Variants in ATP6AP2 observed in about 807,000 individuals in gnomAD.
ATP6AP2 encodes the protein renin receptor.
A neutral mutation model predicts 23.4 loss-of-function variants in ATP6AP2; 1 was observed. That is an observed-to-expected ratio of 0.04 (90% CI 0.02 to 0.20). The LOEUF is 0.20. Among genes scored for constraint, ATP6AP2 ranks in the 10% least tolerant of loss-of-function variants. ATP6AP2 has a pLI of 1.00. For synonymous variants in ATP6AP2, 90 were observed against 97.1 expected, an observed-to-expected ratio of 0.93 and a Z score of 0.43; for missense variants, 174 against 271.3, an observed-to-expected ratio of 0.64 and a Z score of 2.52.
At position 40,605,803 on chromosome X, in the gene ATP6AP2, T is replaced by G; in HGVS notation, c.*48T>G. On this transcript the variant is annotated 3_prime_UTR_variant, in exon 9 of 9. Transcript: ENST00000636580. ...AAAAGGGGGTTGGAAATTGGCTGTT[T>G]TGTTAAAATATATCTTTTAGTGTGC... 1 of 1,055,988 alleles carries G rather than the reference T, an allele frequency of 9.5e-7. No homozygotes were observed. Among genetic ancestry groups the G allele is most frequent in the Non-Finnish European group, 1.3e-6 (1 of 756,283 alleles). The allele number at this position is 1,055,988 out of a possible 1,213,427, so 87.0% of individuals were successfully genotyped here. A position where few individuals can be genotyped will look rare whatever the true frequency, so the allele number is the denominator to read the frequency against.
chrX:40,597,095 C>T (rs1300663222), intron 3 of ATP6AP2, 154 bp from the exon 4 acceptor site: 1 of 481,006 alleles, frequency 2.1e-6, no homozygotes, highest in Non-Finnish European at 3.6e-6. Flanking sequence ...CTTCTGTGCC[C>T]TCAAAAGGGC....
At chrX:40,587,702 C>T (rs995966710) in intron 1 of ATP6AP2, among the ~76,000 whole-genome samples, 1 of 111,675 alleles carries the variant, frequency 9.0e-6, no homozygotes, top group Non-Finnish European at 1.9e-5. Flanking sequence ...TTAATAGGAA[C>T]CCCAAATTAA....
In ATP6AP2 at chrX:40,591,234, G is replaced by A. The variant is rs1197920470; in HGVS notation, c.169G>A (p.Asp57Asn). ...CCGCTTTGTGCTTTTCAATGTTTAG[G>A]ACCTTTCTTGGCCAGGACTCGCAGT... ...ALSMGFSVKE[D>N]LSWPGLAVGN... The change falls in exon 3 of 9, where the codon GAC becomes AAC. Residue 57 changes from aspartate to asparagine, a missense_variant and splice_region_variant. Asp to Asn is a conservative substitution (Grantham distance 23). Transcript: ENST00000636580. 1 of 1,208,508 alleles carries A rather than the reference G, an allele frequency of 8.3e-7. No homozygotes were observed. The highest frequency in any genetic ancestry group is 1.8e-5 in the African/African-American group (1 of 57,118).
At chrX:40,591,651 G>T in intron 3 of ATP6AP2, 1 of 282,200 alleles carries the variant, frequency 3.5e-6, no homozygotes, top group Non-Finnish European at 6.4e-6. Flanking sequence ...CACTAAAGGA[G>T]AAACCAGTTG....
chrX:40,593,157 G>A (rs757768179), intron 3 of ATP6AP2, among the ~76,000 whole-genome samples: 1 of 110,852 alleles, frequency 9.0e-6, no homozygotes, highest in East Asian at 2.8e-4. Context: ...TGAGGCACGA[G>A]AATTACTTGA....
intron 1 of ATP6AP2, among the ~76,000 whole-genome samples, chrX:40,588,231 A>G (rs1926525668): frequency 9.0e-6 from 1 of 110,971 alleles, no homozygotes; most frequent in Admixed American, 9.6e-5. Context: ...ATCATTACAG[A>G]ATACCTTTTC....
intron 1 of ATP6AP2, among the ~76,000 whole-genome samples, chrX:40,586,747 T>C (rs145544309): frequency 0.022 from 2,452 of 111,882 alleles, 72 homozygotes; most frequent in African/African-American, 0.076. Flanking sequence ...GACATGCTTA[T>C]ACTTATAATA....
chrX:40,601,254 A>C (rs774398231), intron 8 of ATP6AP2, among the ~76,000 whole-genome samples: 2 of 111,145 alleles, frequency 1.8e-5, no homozygotes, highest in African/African-American at 6.6e-5. Context: ...GCTTTAGCTC[A>C]GGAGGAGTTT....
chrX:40,585,572 G>A (rs1285577828), intron 1 of ATP6AP2, among the ~76,000 whole-genome samples: 2 of 111,833 alleles, frequency 1.8e-5, no homozygotes, highest in Non-Finnish European at 3.8e-5. Context: ...AGGTGTGGGC[G>A]GCCAGGTGGG....
At chrX:40,600,629 A>G in intron 7 of ATP6AP2, 133 bp from the exon 8 acceptor site, 1 of 689,747 alleles carries the variant, frequency 1.4e-6, no homozygotes, top group Non-Finnish European at 2.1e-6. Flanking sequence ...TGTGGACTTA[A>G]GCCATTCCAC....
intron 1 of ATP6AP2, among the ~76,000 whole-genome samples, chrX:40,584,573 C>T (rs745550526): frequency 9.0e-6 from 1 of 110,626 alleles, no homozygotes; most frequent in Non-Finnish European, 1.9e-5. Flanking sequence ...CTCCACCTTC[C>T]GGGTTCAAGT....
At chrX:40,591,448 T>C (rs914434275) in intron 3 of ATP6AP2, 83 bp downstream of exon 3, 2 of 1,026,974 alleles carry the variant, frequency 1.9e-6, no homozygotes, top group East Asian at 3.3e-5. Flanking sequence ...ATTCTAAACA[T>C]ACTTCTCTTA....
intron 8 of ATP6AP2, among the ~76,000 whole-genome samples, chrX:40,602,055 G>A (rs1428952588): frequency 3.4e-5 from 3 of 88,806 alleles, no homozygotes; most frequent in African/African-American, 1.5e-4. Flanking sequence ...GTTGAGGCGG[G>A]CGGAACACCT....
At chrX:40,589,193 G>A (rs1171979438) in intron 2 of ATP6AP2, 77 bp downstream of exon 2, 2 of 1,101,952 alleles carry the variant, frequency 1.8e-6, no homozygotes, top group Non-Finnish European at 2.5e-6. Flanking sequence ...GCCCAAAAAA[G>A]CATCAAACGA....
chrX:40,606,062 T>A lies in ATP6AP2; in HGVS notation c.*307T>A, dbSNP rs1224510380. 4.1e-6 allele frequency: 1 copy of A among 243,397 alleles called. No individual in the cohort carries two copies. Among genetic ancestry groups the A allele is most frequent in the Non-Finnish European group, 7.3e-6 (1 of 137,426 alleles). 20.1% of individuals were successfully genotyped at this position (243,397 alleles called of 1,213,427 possible). On this transcript the variant is annotated 3_prime_UTR_variant, in exon 9 of 9. Transcript: ENST00000636580. ...TGAAAGAAATGTAAAACATTTAGAA[T>A]AGCTCGTGTTATGGAAAAAAGTGCA...
At chrX:40,585,982 TA>T (rs1464992008) in intron 1 of ATP6AP2, among the ~76,000 whole-genome samples, 1 of 112,118 alleles carries the variant, frequency 8.9e-6, no homozygotes, top group African/African-American at 3.2e-5. Context: ...GCAAGGCTGG[TA>T]GCTGGTGGAG....
rs1414283311 is a variant in ATP6AP2, at chrX:40,601,031, C to G, written c.858+150C>G. ...TCAGTTAAAACGTAAGCTTCTTGTT[C>G]ACATACATATGTGTGCTTTGCCAGT... On this transcript the variant is annotated intron_variant, in intron 8 of 8. Coordinates refer to ENST00000636580, the MANE Select transcript of ATP6AP2 (RefSeq NM_005765.3). 5 of 555,596 alleles carry G rather than the reference C, an allele frequency of 9.0e-6. No homozygotes were observed. In the South Asian group the frequency reaches 1.2e-4, roughly 14 times the overall value. The allele number at this position is 555,596 out of a possible 1,213,427, so 45.8% of individuals were successfully genotyped here.
At position 40,605,744 on chromosome X, in the gene ATP6AP2, C is replaced by T. The variant is rs1927055757; in HGVS notation, c.1042C>T (p.Arg348Ter). 4 of 1,204,846 alleles carry T rather than the reference C, an allele frequency of 3.3e-6. No individual in the cohort carries two copies. The highest frequency in any genetic ancestry group is 3.0e-5 in the East Asian group (1 of 33,826). ...IIYRMTNQKI[R>*]MD ...TTATAGGATGACAAACCAGAAGATT[C>T]GAATGGATTGAATGTTACCTGTGCC... The change falls in exon 9 of 9, where the codon CGA becomes TGA. Residue 348 changes from arginine to a stop codon, truncating the protein, a stop_gained. Coordinates refer to ENST00000636580, the MANE Select transcript of ATP6AP2 (RefSeq NM_005765.3). LOFTEE classifies it high-confidence loss of function.
At chrX:40,588,385 A>G (rs1282224904) in intron 1 of ATP6AP2, among the ~76,000 whole-genome samples, 1 of 80,803 alleles carries the variant, frequency 1.2e-5, no homozygotes. Flanking sequence ...AGGGTTGCCT[A>G]TGGGACATAA....
Sources: allele counts gnomAD v4.1 joint callset (sites outside exome capture counted in the v4.1 genomes callset), GRCh38; gene constraint gnomAD v4.1.1; transcripts MANE v1.5; gene names NCBI Gene and HGNC (gene_info 2026-07-23, HGNC 2026-07-21).